CIC: variants seen among roughly 807,000 people sequenced by gnomAD.
CIC encodes the protein capicua transcriptional repressor, also known as protein capicua homolog.
Under a neutral mutation model 115.7 loss-of-function variants are expected in CIC, and 18 were observed. The observed-to-expected ratio is 0.16, with a 90% CI of 0.11 to 0.23. The LOEUF is 0.23. Ranked by LOEUF, CIC falls within the 10% of genes least tolerant of loss-of-function variation. The probability of loss-of-function intolerance (pLI) is 1.00; values close to 1 mark genes in which losing one functional copy is unlikely to be tolerated. For synonymous variants in CIC, 1,076 were observed against 923.0 expected (o/e 1.17, Z -3.01); for missense variants, 2,000 against 2,159.3 (o/e 0.93, Z 1.46).
At position 42,274,287 on chromosome 19, in the gene CIC, G is replaced by A. The variant is rs534657303; in HGVS notation, c.2504G>A (p.Arg835Gln). ...GAGGTGGGCACTGCTGGTGAGGTGC[G>A]GGCTGGGGGACCTGGGCGGGGCTGC... ...PGEVGTAGEV[R>Q]AGGPGRGCRE... is the part of the protein sequence containing the mutation. Residue 835 changes from arginine to glutamine, a missense_variant, in exon 2 of 21, where the codon CGG becomes CAG. By Grantham distance (43) the Arg-to-Gln change is conservative. This residue lies in a region of CIC where 222 missense variants were observed against 247.7 expected (regional missense o/e 0.90). Transcript: ENST00000681038. The A allele has an allele frequency of 2.0e-5, 8 of 398,814 alleles. No homozygotes were observed. The highest frequency in any genetic ancestry group is 1.3e-4 in the South Asian group (1 of 7,884). The allele number at this position is 398,814 out of a possible 1,614,324, so 24.7% of individuals were successfully genotyped here.
Position 42,295,197 on chromosome 19 carries a change from C to T in CIC, c.*6C>T. 1.3e-6 allele frequency: 2 copies of T among 1,527,376 alleles called. No homozygotes were observed. Among genetic ancestry groups the T allele is most frequent in the Non-Finnish European group, 1.8e-6 (2 of 1,141,646 alleles). 94.6% of individuals were successfully genotyped at this position (1,527,376 alleles called of 1,614,324 possible). ...CAGCTGCCACAGGCAGGTGAGGGACCCCTGAGAAGATGCCAGGACTTATAG... is the reference window on the plus strand; with the variant it reads ...CAGCTGCCACAGGCAGGTGAGGGACTCCTGAGAAGATGCCAGGACTTATAG... On this transcript the variant is annotated 3_prime_UTR_variant, in exon 21 of 21. Transcript: ENST00000681038.
chr19:42,289,318 T>C lies in CIC; in HGVS notation c.3999T>C (p.Ser1333=). The change falls in exon 9 of 21, where the codon TCT becomes TCC. Residue 1333 remains serine (S), a synonymous_variant. Transcript: ENST00000681038. The part of the protein sequence containing the change: ...GRPPLLPTRA[S]RSQRAASEDM... ...CCCCGCTGCTGCCCACCCGAGCTTC[T>C]CGTTCTCAGCGTGCGGCCAGTGAGG... The C allele has an allele frequency of 6.2e-7, 1 of 1,614,072 alleles. No homozygotes were observed. The highest frequency in any genetic ancestry group is 8.5e-7 in the Non-Finnish European group (1 of 1,180,006).
At chr19:42,275,582 AGGCTAGGCT>A (rs2036943196) in intron 2 of CIC, among the ~76,000 whole-genome samples, 1 of 152,228 alleles carries the variant, frequency 6.6e-6, no homozygotes, top group African/African-American at 2.4e-5. Context: ...CCACGGACCC[AGGCTAGGCT>A]GGGCCTTGTA....
rs1024811366 is a variant in CIC at position 42,272,770 on chromosome 19, G to A, written c.987G>A (p.Val329=). 14 of 398,682 alleles carry A rather than the reference G, an allele frequency of 3.5e-5. No homozygotes were observed. Among genetic ancestry groups the A allele is most frequent in the African/African-American group, 2.9e-4 (14 of 48,612 alleles). 24.7% of individuals were successfully genotyped at this position (398,682 alleles called of 1,614,324 possible). A position where few individuals can be genotyped will look rare whatever the true frequency, so the allele number is the denominator to read the frequency against. The change falls in exon 2 of 21, where the codon GTG becomes GTA. Residue 329 remains valine, a synonymous_variant. Transcript: ENST00000681038. The part of the protein sequence containing the change: ...QPLHREPEEA[V]WVARSSLRLL... ...TGCACCGTGAGCCAGAGGAGGCTGT[G>A]TGGGTGGCCCGCTCCAGCCTACGCC...
Position 42,290,902 on chromosome 19 carries a change from G to A in CIC, c.4861G>A (p.Gly1621Ser). The A allele has an allele frequency of 1.2e-6, 2 of 1,613,488 alleles. No homozygotes were observed. Among genetic ancestry groups the A allele is most frequent in the Non-Finnish European group, 1.7e-6 (2 of 1,179,992 alleles). Residue 1621 changes from glycine to serine, a missense_variant, in exon 11 of 21, where the codon GGC becomes AGC. Gly to Ser is a moderately conservative substitution (Grantham distance 56). This residue lies in a region of CIC where 1,466 missense variants were observed against 1,390.4 expected (regional missense o/e 1.05). Coordinates refer to ENST00000681038, the MANE Select transcript of CIC (RefSeq NM_001386298.1). ...CACAGCAGGTGCCAGGACTGAAATG[G>A]GCACTGGGTCTCGGGTGCCTGGGGG... is the stretch of plus-strand genomic sequence containing the variant. ...NDTAGARTEM[G>S]TGSRVPGGSP...
rs763266829 is a variant in CIC, at chr19:42,289,064, A to T, written c.3835A>T (p.Ser1279Cys). The T allele has an allele frequency of 6.2e-7, 1 of 1,613,672 alleles. No individual in the cohort carries two copies. The highest frequency in any genetic ancestry group is 1.7e-5 in the Admixed American group (1 of 60,024). ...VHSLDGGEVD[S>C]QALQELTQMV... ...CAGCCTGGACGGCGGAGAAGTAGAC[A>T]GTCAGGCGCTACAGGAACTGACGCA... Residue 1279 changes from serine to cysteine, a missense_variant, in exon 8 of 21, where the codon AGT becomes TGT. By Grantham distance (112) the Ser-to-Cys change is moderately radical (BLOSUM62 -1). Coordinates refer to ENST00000681038, the MANE Select transcript of CIC (RefSeq NM_001386298.1).
At position 42,278,960 on chromosome 19, in the gene CIC, G is replaced by A. The variant is rs551201785; in HGVS notation, c.2794+4383G>A. ...GCTAGGAGATCCGGCTGTAGGGGGC[G>A]GCAGGAAAGAAGCTTCAGTGCCCAC... On this transcript the variant is annotated intron_variant, in intron 2 of 20. Transcript: ENST00000681038. 2.6e-5 allele frequency among the ~76,000 whole-genome samples: 4 copies of A among 152,322 alleles called. No homozygotes were observed. The South Asian group carries it at 6.2e-4, about 24-fold the overall frequency.
In CIC at chr19:42,292,872, TC is replaced by T. The variant is rs1209848386; in HGVS notation, c.6196+14del. 7 of 1,613,596 alleles carry T rather than the reference TC, an allele frequency of 4.3e-6. No individual in the cohort carries two copies. The highest frequency in any genetic ancestry group is 1.7e-5 in the Admixed American group (1 of 59,992). On this transcript the variant is annotated intron_variant, in intron 15 of 20. Coordinates refer to ENST00000681038, the MANE Select transcript of CIC (RefSeq NM_001386298.1). ...CCCAGCGCCACAGGTAGGTGTCAGA[TC>T]AACCCAGAGCAGAGTGAGTTGGGGG...
In CIC at chr19:42,291,640, C is replaced by G. The variant is rs61745381; in HGVS notation, c.5508C>G (p.Ala1836=). The part of the protein sequence containing the change: ...LLPGKVLVPL[A]APSMSVRGGG... ...CTGGGAAGGTCCTAGTGCCTCTGGCCGCCCCTAGCATGTCAGTGCGGGGTG... is the reference window on the plus strand; with the variant it reads ...CTGGGAAGGTCCTAGTGCCTCTGGCGGCCCCTAGCATGTCAGTGCGGGGTG... Residue 1836 remains alanine (A), a synonymous_variant, in exon 12 of 21, where the codon GCC becomes GCG. Coordinates refer to ENST00000681038, the MANE Select transcript of CIC (RefSeq NM_001386298.1). 16 of 1,612,970 alleles carry G rather than the reference C, an allele frequency of 9.9e-6. No homozygotes were observed. In the East Asian group the frequency reaches 2.0e-4, roughly 20 times the overall value.
rs2147183327 is a variant in CIC at position 42,287,189 on chromosome 19, C to A, written c.3128C>A (p.Pro1043His). The change falls in exon 4 of 21, where the codon CCC becomes CAC. Residue 1043 changes from proline to histidine, a missense_variant. Physicochemically the swap from Pro to His is moderately conservative, Grantham distance 77. Coordinates refer to ENST00000681038, the MANE Select transcript of CIC (RefSeq NM_001386298.1). This position sits in a 1 kb window ranked among gnomAD's most constrained non-coding sequence, Gnocchi z 8.7. ...ACCACGGAGGAGGAGGCCTCCGGCC[C>A]CCCAGGAGAGCCCCGGCTGGACAGT... is the stretch of plus-strand genomic sequence containing the variant. The part of the protein sequence containing the change: ...PPTTEEEASG[P>H]PGEPRLDSET... 6.2e-7 allele frequency: 1 copy of A among 1,613,596 alleles called. No homozygotes were observed. Among genetic ancestry groups the A allele is most frequent in the Non-Finnish European group, 8.5e-7 (1 of 1,179,908 alleles).
intron 20 of CIC, 30 bp from the exon 21 acceptor site, chr19:42,294,794 C>G: frequency 1.2e-6 from 2 of 1,607,292 alleles, no homozygotes; most frequent in Non-Finnish European, 1.7e-6. Context: ...ACATCTCATC[C>G]TGTGCTCCCC....
chr19:42,288,078 T>A (rs1043627844), intron 7 of CIC, 103 bp downstream of exon 7: 2 of 1,355,544 alleles, frequency 1.5e-6, no homozygotes, highest in Admixed American at 4.0e-5. Flanking sequence ...TCCTCTCTGC[T>A]CTATCGCTTT....
chr19:42,281,110 C>T (rs1442054332), intron 2 of CIC, among the ~76,000 whole-genome samples: 1 of 146,476 alleles, frequency 6.8e-6, no homozygotes, highest in Non-Finnish European at 1.5e-5. Context: ...CCCAGGCAAC[C>T]CTGGCCGTCG....
chr19:42,282,324 G>A (rs1599872057), intron 2 of CIC, among the ~76,000 whole-genome samples: 1 of 152,198 alleles, frequency 6.6e-6, no homozygotes, highest in Non-Finnish European at 1.5e-5. Flanking sequence ...GGCAGGTTGG[G>A]GAAAGGGCTC....
At chr19:42,286,268 C>G (rs1339278007) in intron 2 of CIC, among the ~76,000 whole-genome samples, 1 of 152,012 alleles carries the variant, frequency 6.6e-6, no homozygotes, top group Non-Finnish European at 1.5e-5. Context: ...GCATAGTGAA[C>G]GGAGAGTTGG....
At chr19:42,271,372 C>T (rs2036785179) in intron 1 of CIC, among the ~76,000 whole-genome samples, 1 of 152,104 alleles carries the variant, frequency 6.6e-6, no homozygotes, top group Admixed American at 6.5e-5. Flanking sequence ...TGAAATGAGG[C>T]CGATAGTAGC....
chr19:42,284,994 G>A (rs956826036), intron 2 of CIC, among the ~76,000 whole-genome samples: 1 of 152,132 alleles, frequency 6.6e-6, no homozygotes, highest in Admixed American at 6.5e-5. Flanking sequence ...TAAAGTGATG[G>A]GATGGCACAG....
rs761480043 is a variant in CIC, at chr19:42,289,201, G to A, written c.3882G>A (p.Ser1294=). 1.1e-5 allele frequency: 18 copies of A among 1,613,022 alleles called. No individual in the cohort carries two copies. Among genetic ancestry groups the A allele is most frequent in the South Asian group, 6.6e-5 (6 of 91,090 alleles). ...ELTQMVSGPA[S]YSGPKPSTQY... ...TGCAGATGGTGTCTGGCCCTGCATC[G>A]TACTCTGGCCCAAAGCCTTCTACCC... Residue 1294 remains serine, a synonymous_variant, in exon 9 of 21, where the codon TCG becomes TCA. Coordinates refer to ENST00000681038, the MANE Select transcript of CIC (RefSeq NM_001386298.1).
At chr19:42,285,776 C>T (rs528254132) in intron 2 of CIC, among the ~76,000 whole-genome samples, 4 of 152,326 alleles carry the variant, frequency 2.6e-5, no homozygotes, top group South Asian at 4.1e-4. Context: ...ATCCTAGGCC[C>T]GCCCCAAAAG....
Sources: gnomAD v4.1 joint callset for allele counts (sites outside exome capture counted in the v4.1 genomes callset) on GRCh38, gnomAD v4.1.1 for gene constraint, gnomAD v4.1.1 regional missense constraint, Gnocchi (gnomAD v3.1) non-coding constraint, MANE v1.5 for transcripts, NCBI Gene and HGNC (gene_info 2026-07-23, HGNC 2026-07-21) for gene names.